Variants in TBC1D2B observed in about 807,000 individuals in gnomAD.
The protein encoded by TBC1D2B is TBC1 domain family member 2B.
In TBC1D2B, 64 loss-of-function variants were observed where a neutral mutation model predicts 100.8. The observed-to-expected ratio is 0.64, with a 90% confidence interval of 0.52 to 0.78. The LOEUF (loss-of-function observed/expected upper bound fraction) is 0.78. Ranked by LOEUF, TBC1D2B falls within the 30% of genes least tolerant of loss-of-function variation. The pLI, the probability that TBC1D2B is intolerant of heterozygous loss-of-function variation, is 0.00. For synonymous variants in TBC1D2B, 480 were observed against 479.7 expected (o/e 1.00, Z -0.01); for missense variants, 1,052 against 1,218.4 (o/e 0.86, Z 2.03).
chr15:78,056,303 G>A (rs1183514780), intron 1 of TBC1D2B, among the ~76,000 whole-genome samples: 1 of 152,234 alleles, frequency 6.6e-6, no homozygotes, highest in African/African-American at 2.4e-5. Flanking sequence ...AGGTCAGTGA[G>A]TGGCAAGGAC....
intron 2 of TBC1D2B, among the ~76,000 whole-genome samples, chr15:78,049,780 C>A (rs75960084): frequency 0.036 from 5,510 of 152,124 alleles, 147 homozygotes; most frequent in African/African-American, 0.063. Context: ...TGCAATCTAA[C>A]CCCACTCAGC....
At chr15:78,040,698 G>A (rs1228646288) in intron 3 of TBC1D2B, among the ~76,000 whole-genome samples, 1 of 136,552 alleles carries the variant, frequency 7.3e-6, no homozygotes, top group Non-Finnish European at 1.6e-5. Context: ...AGAAAGGGGG[G>A]GAGGGAGGGA....
chr15:78,045,933 C>T (rs2073184960), intron 2 of TBC1D2B, among the ~76,000 whole-genome samples: 2 of 151,318 alleles, frequency 1.3e-5, no homozygotes, highest in South Asian at 2.1e-4. Context: ...AAACATTTTT[C>T]TTTTTTTTTC....
rs2071725464 is a variant in TBC1D2B at position 77,995,472 on chromosome 15, A to C, written c.*2688T>G. On this transcript the variant is annotated 3_prime_UTR_variant, in exon 13 of 13. Coordinates refer to ENST00000300584, the MANE Select transcript of TBC1D2B (RefSeq NM_144572.2). The stretch of plus-strand genomic sequence containing the variant: ...TCACATCGGTGAGTCAGTGAGAGTC[A>C]GGGCCAGAGGGAAAAGCAACTCGGA... The C allele has an allele frequency of 6.6e-6, 1 of 152,360 alleles. No individual in the cohort carries two copies. The highest frequency in any genetic ancestry group is 1.5e-5 in the Non-Finnish European group (1 of 68,020). The allele number at this position is 152,360 out of a possible 1,614,324, so 9.4% of individuals were successfully genotyped here.
At chr15:78,050,825 C>A (rs887535153) in intron 2 of TBC1D2B, among the ~76,000 whole-genome samples, 6 of 152,196 alleles carry the variant, frequency 3.9e-5, no homozygotes, top group Non-Finnish European at 5.9e-5. Flanking sequence ...ATGTAAGCAA[C>A]TATGTGACAG....
At chr15:78,021,854 C>T (rs2072524001) in intron 6 of TBC1D2B, among the ~76,000 whole-genome samples, 1 of 152,212 alleles carries the variant, frequency 6.6e-6, no homozygotes, top group Non-Finnish European at 1.5e-5. Context: ...TCTGACAGCG[C>T]TGTATCCCGA....
At chr15:78,002,485 C>CT (rs35653686) in intron 11 of TBC1D2B, 81,475 of 142,818 alleles carry the variant, frequency 0.57, 23,736 homozygotes, top group East Asian at 0.87. Context: ...CCTGGCCTTT[C>CT]TTTTTTTTTT....
intron 6 of TBC1D2B, among the ~76,000 whole-genome samples, chr15:78,018,171 C>T (rs1157823960): frequency 1.3e-5 from 2 of 152,188 alleles, no homozygotes; most frequent in African/African-American, 2.4e-5. Flanking sequence ...ACTGCCGTAA[C>T]GGAGATGGAG....
chr15:78,034,950 G>A (rs1161526175), intron 3 of TBC1D2B, among the ~76,000 whole-genome samples: 4 of 152,172 alleles, frequency 2.6e-5, no homozygotes, highest in African/African-American at 9.7e-5. Flanking sequence ...TGTCCTGCCT[G>A]TGTACTCCAT....
chr15:78,044,935 A>C lies in TBC1D2B; in HGVS notation c.648T>G (p.Asn216Lys). The change falls in exon 3 of 13, where the codon AAT becomes AAG. Residue 216 changes from asparagine to lysine, a missense_variant. Coordinates refer to ENST00000300584, the MANE Select transcript of TBC1D2B (RefSeq NM_144572.2). ...QPAPGHPNSI[N>K]FYSLKQWGNE... Reference sequence around the variant, plus strand: ...TGCCCCACTGTTTCAAAGAGTAAAAATTAATGGAATTTGGATGCCCTGGGG... The same window carrying C: ...TGCCCCACTGTTTCAAAGAGTAAAACTTAATGGAATTTGGATGCCCTGGGG... 1 of 1,613,412 alleles carries C rather than the reference A, an allele frequency of 6.2e-7. No individual in the cohort carries two copies. Among genetic ancestry groups the C allele is most frequent in the Non-Finnish European group, 8.5e-7 (1 of 1,179,550 alleles).
intron 1 of TBC1D2B, among the ~76,000 whole-genome samples, chr15:78,069,826 G>C (rs2073717060): frequency 6.6e-6 from 1 of 152,298 alleles, no homozygotes; most frequent in East Asian, 1.9e-4. Flanking sequence ...GACACCACTA[G>C]AAGGCACCAC....
chr15:78,012,654 T>C (rs769248306), intron 9 of TBC1D2B, among the ~76,000 whole-genome samples, 169 bp downstream of exon 9: 3 of 152,258 alleles, frequency 2.0e-5, no homozygotes, highest in Non-Finnish European at 4.4e-5. Context: ...CTCTCAGTTC[T>C]TCTAGAACTG....
intron 2 of TBC1D2B, 51 bp downstream of exon 2, chr15:78,053,983 C>T (rs561110439): frequency 4.2e-5 from 65 of 1,551,848 alleles, no homozygotes; most frequent in South Asian, 1.8e-4. Context: ...TATGTGGTAT[C>T]GAATGGCTTA....
In TBC1D2B at chr15:78,012,789, T is replaced by C. The variant is rs199986050; in HGVS notation, c.2270+34A>G. On this transcript the variant is annotated intron_variant, in intron 9 of 12. Transcript: ENST00000300584. ...GCACCGGTGCCTACAAGTTGCCTAA[T>C]GGCAAATGGGAACATTTTGTGCTGT... 277 of 1,419,280 alleles carry C rather than the reference T, an allele frequency of 2.0e-4. 1 individual carries two copies. The highest frequency in any genetic ancestry group is 1.9e-4 in the Middle Eastern group (1 of 5,324). The allele number at this position is 1,419,280 out of a possible 1,614,324, so 87.9% of individuals were successfully genotyped here.
chr15:78,054,513 A>G lies in TBC1D2B; in HGVS notation c.361-326T>C, dbSNP rs572612399. Among the ~76,000 whole-genome samples, 19 of 152,374 alleles carry G rather than the reference A, an allele frequency of 1.2e-4. 1 individual carries two copies. In the South Asian group the frequency reaches 3.9e-3, roughly 32 times the overall value. ...GCTCTTTTACTCTGAGCAACTACAA[A>G]TTCCATCTTCAAAAATAAAATCTGA... On this transcript the variant is annotated intron_variant, in intron 1 of 12. Coordinates refer to ENST00000300584, the MANE Select transcript of TBC1D2B (RefSeq NM_144572.2).
At chr15:78,039,000 T>C (rs1351208098) in intron 3 of TBC1D2B, among the ~76,000 whole-genome samples, 1 of 152,192 alleles carries the variant, frequency 6.6e-6, no homozygotes, top group African/African-American at 2.4e-5. Context: ...ATTGCACCAC[T>C]GCAGAAACAC....
intron 3 of TBC1D2B, among the ~76,000 whole-genome samples, chr15:78,041,945 T>C (rs2073101166): frequency 6.6e-6 from 1 of 152,216 alleles, no homozygotes; most frequent in Non-Finnish European, 1.5e-5. Context: ...ATTATTATCT[T>C]CATATTACAA....
chr15:78,040,771 G>GAGAA (rs199791716), intron 3 of TBC1D2B, among the ~76,000 whole-genome samples: 3 of 138,204 alleles, frequency 2.2e-5, no homozygotes, highest in African/African-American at 5.4e-5. Flanking sequence ...GAGAGGAAGA[G>GAGAA]AGAAAGAAAG....
At chr15:78,031,657 C>T (rs1014888570) in intron 3 of TBC1D2B, among the ~76,000 whole-genome samples, 2 of 150,018 alleles carry the variant, frequency 1.3e-5, no homozygotes, top group African/African-American at 4.9e-5. Context: ...TGAGTCATGG[C>T]TATCTGAGTA....
Sources: allele counts gnomAD v4.1 joint callset (sites outside exome capture counted in the v4.1 genomes callset), GRCh38; gene constraint gnomAD v4.1.1; transcripts MANE v1.5; gene names NCBI Gene and HGNC (gene_info 2026-07-23, HGNC 2026-07-21).